HRH4: variants seen among roughly 807,000 people sequenced by gnomAD.
HRH4 encodes the protein histamine receptor H4.
A neutral mutation model predicts 10.4 loss-of-function variants in HRH4; 12 were observed. The observed-to-expected ratio is 1.15, with a 90% CI of 0.74 to 1.87. HRH4 has a LOEUF of 1.87. HRH4 is among the 40% of genes most tolerant of loss of function. The pLI is 0.00. For synonymous variants in HRH4, 154 were observed against 166.6 expected, an observed-to-expected ratio of 0.92 and a Z score of 0.58; for missense variants, 415 against 453.3, an observed-to-expected ratio of 0.92 and a Z score of 0.77.
At chr18:24,472,115 G>A (rs926953274) in intron 2 of HRH4, among the ~76,000 whole-genome samples, 1 of 151,892 alleles carries the variant, frequency 6.6e-6, no homozygotes, top group Non-Finnish European at 1.5e-5. Context: ...ACATGATCTC[G>A]GCTCACTGCA....
At chr18:24,467,227 T>C (rs1308350208) in intron 1 of HRH4, among the ~76,000 whole-genome samples, 15 of 152,236 alleles carry the variant, frequency 9.9e-5, no homozygotes, top group Non-Finnish European at 1.5e-5. Context: ...ATGGTAATTG[T>C]ATAAGACATA....
intron 2 of HRH4, among the ~76,000 whole-genome samples, chr18:24,469,725 G>A (rs1289990916): frequency 2.0e-5 from 3 of 152,220 alleles, no homozygotes; most frequent in African/African-American, 7.2e-5. Context: ...CTGGGATACA[G>A]AAGTGAATAT....
intron 2 of HRH4, among the ~76,000 whole-genome samples, chr18:24,469,683 G>A (rs1909882887): frequency 6.6e-6 from 1 of 152,142 alleles, no homozygotes; most frequent in Non-Finnish European, 1.5e-5. Context: ...ACTCTTTGGG[G>A]GACTACTGTG....
At chr18:24,461,612 A>G (rs1909640115) in intron 1 of HRH4, among the ~76,000 whole-genome samples, 1 of 152,186 alleles carries the variant, frequency 6.6e-6, no homozygotes, top group Non-Finnish European at 1.5e-5. Flanking sequence ...ATACTATTTT[A>G]CAGGAGTTTC....
chr18:24,465,441 G>A (rs569476425), intron 1 of HRH4, among the ~76,000 whole-genome samples: 1 of 152,134 alleles, frequency 6.6e-6, no homozygotes, highest in African/African-American at 2.4e-5. Context: ...GGGATGGAGT[G>A]ATTGAGGGGT....
At chr18:24,462,267 G>T (rs1348767369) in intron 1 of HRH4, among the ~76,000 whole-genome samples, 1 of 152,132 alleles carries the variant, frequency 6.6e-6, no homozygotes, top group African/African-American at 2.4e-5. Flanking sequence ...TAAAGTGAGG[G>T]CCTTTAAATA....
Position 24,476,835 on chromosome 18 carries a change from C to T in HRH4, c.446C>T (p.Pro149Leu). ...GTGCTGGCCTTCTTAGTGAATGGGCCAATGATTCTAGTTTCAGAGTCTTGG... is the reference window on the plus strand; with the variant it reads ...GTGCTGGCCTTCTTAGTGAATGGGCTAATGATTCTAGTTTCAGAGTCTTGG... ...VWVLAFLVNG[P>L]MILVSESWKD... is the part of the protein sequence containing the mutation. Residue 149 changes from proline to leucine, a missense_variant, in exon 3 of 3, where the codon CCA becomes CTA. Coordinates refer to ENST00000256906, the MANE Select transcript of HRH4 (RefSeq NM_021624.4). 1 of 1,614,106 alleles carries T rather than the reference C, an allele frequency of 6.2e-7. No individual in the cohort carries two copies. Among genetic ancestry groups the T allele is most frequent in the Non-Finnish European group, 8.5e-7 (1 of 1,179,990 alleles).
chr18:24,469,338 A>G (rs563883971), intron 2 of HRH4, among the ~76,000 whole-genome samples: 4 of 152,316 alleles, frequency 2.6e-5, no homozygotes, highest in Non-Finnish European at 4.4e-5. Flanking sequence ...AGAATCCCAT[A>G]CTTTGAAATG....
chr18:24,475,708 G>A (rs1314279565), intron 2 of HRH4, among the ~76,000 whole-genome samples: 2 of 152,116 alleles, frequency 1.3e-5, no homozygotes, highest in Non-Finnish European at 2.9e-5. Flanking sequence ...TCTGCAGCAG[G>A]TTTAAAAATC....
chr18:24,473,585 T>C (rs200930941), intron 2 of HRH4, among the ~76,000 whole-genome samples: 2 of 152,320 alleles, frequency 1.3e-5, no homozygotes, highest in East Asian at 3.9e-4. Context: ...TGTTTTCTCT[T>C]CTTATGAGAA....
chr18:24,475,135 G>A (rs575918159), intron 2 of HRH4, among the ~76,000 whole-genome samples: 6 of 152,258 alleles, frequency 3.9e-5, no homozygotes, highest in African/African-American at 1.4e-4. Flanking sequence ...AGGATTGTGG[G>A]TCCTGTGATG....
chr18:24,463,546 G>A (rs924793538), intron 1 of HRH4, among the ~76,000 whole-genome samples: 1 of 152,308 alleles, frequency 6.6e-6, no homozygotes, highest in Admixed American at 6.5e-5. Context: ...GGCAGAACTC[G>A]TGAGAGGTTT....
At position 24,460,914 on chromosome 18, in the gene HRH4, C is replaced by A; in HGVS notation, c.186C>A (p.Phe62Leu). Residue 62 changes from phenylalanine to leucine, a missense_variant, in exon 1 of 3, where the codon TTC becomes TTA. Transcript: ENST00000256906. ...YFFLNLAISDFFVGVISIPLY... is the reference protein window; with the variant it reads ...YFFLNLAISDLFVGVISIPLY... The stretch of plus-strand genomic sequence containing the variant: ...TTCTTAACTTGGCCATCTCTGACTT[C>A]TTTGTGGGTAAGTTATATGTCTTTA... 6.4e-7 allele frequency: 1 copy of A among 1,553,116 alleles called. No individual in the cohort carries two copies. Among genetic ancestry groups the A allele is most frequent in the Non-Finnish European group, 8.8e-7 (1 of 1,137,686 alleles).
intron 2 of HRH4, among the ~76,000 whole-genome samples, chr18:24,471,606 C>CAAAAAAAAAAAAAAAAAAAAAAAAAAA (rs60730879): frequency 3.9e-5 from 2 of 51,390 alleles, no homozygotes; most frequent in African/African-American, 9.2e-5. Flanking sequence ...GACTCCATCT[C>CAAAAAAAAAAAAAAAAAAAAAAAAAAA]AAAAAAAAAA....
chr18:24,471,276 G>C (rs561881453), intron 2 of HRH4, among the ~76,000 whole-genome samples: 2 of 152,032 alleles, frequency 1.3e-5, no homozygotes, highest in South Asian at 4.2e-4. Flanking sequence ...AGTGGGTTGT[G>C]ACCTTTTTTT....
intron 1 of HRH4, among the ~76,000 whole-genome samples, chr18:24,468,018 C>G (rs1283954993): frequency 6.6e-6 from 1 of 152,120 alleles, no homozygotes; most frequent in African/African-American, 2.4e-5. Flanking sequence ...GCTAGAAATA[C>G]AAGACCTGTA....
intron 2 of HRH4, among the ~76,000 whole-genome samples, chr18:24,472,114 C>T (rs368975719): frequency 9.9e-5 from 15 of 152,182 alleles, no homozygotes; most frequent in Admixed American, 7.2e-4. Context: ...GACATGATCT[C>T]GGCTCACTGC....
At chr18:24,465,464 T>C (rs1374205872) in intron 1 of HRH4, among the ~76,000 whole-genome samples, 2 of 151,374 alleles carry the variant, frequency 1.3e-5, no homozygotes, top group Non-Finnish European at 2.9e-5. Flanking sequence ...GAAGTAGGAG[T>C]GGGACTGCGG....
Position 24,477,510 on chromosome 18 carries a change from G to C in HRH4, c.1121G>C (p.Cys374Ser). Residue 374 changes from cysteine (C) to serine (S), a missense_variant, in exon 3 of 3, where the codon TGT becomes TCT. Transcript: ENST00000256906. ...RFQKAFLKIF[C>S]IKKQPLPSQH... ...CAAAAGGCTTTCTTGAAAATATTTTGTATAAAAAAGCAACCTCTACCATCA... is the reference window on the plus strand; with the variant it reads ...CAAAAGGCTTTCTTGAAAATATTTTCTATAAAAAAGCAACCTCTACCATCA... The C allele has an allele frequency of 6.2e-7, 1 of 1,605,380 alleles. No individual in the cohort carries two copies. Among genetic ancestry groups the C allele is most frequent in the Non-Finnish European group, 8.5e-7 (1 of 1,175,860 alleles).
Sources: allele counts gnomAD v4.1 joint callset (sites outside exome capture counted in the v4.1 genomes callset), GRCh38; gene constraint gnomAD v4.1.1; transcripts MANE v1.5; gene names NCBI Gene and HGNC (gene_info 2026-07-23, HGNC 2026-07-21).